Variants in LUZP2 observed in about 807,000 individuals in gnomAD.
LUZP2 encodes the protein leucine zipper protein 2.
In LUZP2, 52 loss-of-function variants were observed where a neutral mutation model predicts 51.6. The ratio of observed to expected loss-of-function variants is 1.01; its 90% confidence interval spans 0.81 to 1.27. The LOEUF (loss-of-function observed/expected upper bound fraction) is 1.27. LUZP2 is among the 50% of genes most tolerant of loss of function. LUZP2 has a pLI of 0.00. For missense variants in LUZP2, 436 were observed against 395.4 expected, an observed-to-expected ratio of 1.10 and a Z score of -0.87; for synonymous variants, 154 against 137.3, an observed-to-expected ratio of 1.12 and a Z score of -0.85.
chr11:24,824,722 CT>C (rs1850474379), intron 5 of LUZP2, among the ~76,000 whole-genome samples: 1 of 151,958 alleles, frequency 6.6e-6, no homozygotes, highest in Admixed American at 6.6e-5. Flanking sequence ...ATATAATCAT[CT>C]GTTTCTTAGA....
At chr11:25,007,280 A>G (rs2133952370) in intron 9 of LUZP2, among the ~76,000 whole-genome samples, 1 of 152,304 alleles carries the variant, frequency 6.6e-6, no homozygotes, top group Non-Finnish European at 1.5e-5. Flanking sequence ...TCAAACAACA[A>G]AGAACCTGAA....
At chr11:24,713,423 G>C (rs1326665984) in intron 1 of LUZP2, among the ~76,000 whole-genome samples, 1 of 152,100 alleles carries the variant, frequency 6.6e-6, no homozygotes, top group East Asian at 1.9e-4. Flanking sequence ...CAACTGGGGG[G>C]AGAACAATTT....
At chr11:24,739,098 GCT>G (rs1392709978) in intron 4 of LUZP2, among the ~76,000 whole-genome samples, 11 of 152,114 alleles carry the variant, frequency 7.2e-5, no homozygotes, top group Non-Finnish European at 1.6e-4. Flanking sequence ...CACAGTTCTA[GCT>G]GCACACCACA....
At position 24,639,033 on chromosome 11, in the gene LUZP2, C is replaced by A. The variant is rs570520199; in HGVS notation, c.63-90136C>A. On this transcript the variant is annotated intron_variant, in intron 1 of 11. Transcript: ENST00000336930. ...TGTCAAAGACCTGTTATACTAAAAG[C>A]TCTAGACTCTTACCTTCTCTACAAA... Among the ~76,000 whole-genome samples the A allele has an allele frequency of 1.6e-3, 241 of 151,870 alleles. 1 individual carries two copies. The highest frequency in any genetic ancestry group is 2.7e-3 in the Non-Finnish European group (184 of 67,964).
Position 24,891,261 on chromosome 11 carries a change from A to G in LUZP2, c.397-14730A>G, listed in dbSNP as rs572900107. Reference sequence around the variant, plus strand: ...AGCATTTCCACAAAAATTTTAAGTGAAAATATCATTAGTCATAGCAATTCT... The same window carrying G: ...AGCATTTCCACAAAAATTTTAAGTGGAAATATCATTAGTCATAGCAATTCT... On this transcript the variant is annotated intron_variant, in intron 5 of 11. Coordinates refer to ENST00000336930, the MANE Select transcript of LUZP2 (RefSeq NM_001009909.4). 78 of 984,324 alleles carry G rather than the reference A, an allele frequency of 7.9e-5. 1 individual carries two copies. In the South Asian group the frequency reaches 3.2e-3, roughly 41 times the overall value. The allele number at this position is 984,324 out of a possible 1,614,324, so 61.0% of individuals were successfully genotyped here. A position where few individuals can be genotyped will look rare whatever the true frequency, so the allele number is the denominator to read the frequency against.
rs914358039 is a variant in LUZP2, at chr11:25,012,143, C to T, written c.765+28850C>T. On this transcript the variant is annotated intron_variant, in intron 9 of 11. Transcript: ENST00000336930. ...CTAATTAGCTGCCTTGAAGGGTAAT[C>T]TGCTTTGCTGAGCATTTAATAAACA... Among the ~76,000 whole-genome samples, 4 of 152,160 alleles carry T rather than the reference C, an allele frequency of 2.6e-5. No individual in the cohort carries two copies. The East Asian group carries it at 7.7e-4, about 29-fold the overall frequency.
chr11:24,791,749 TA>T (rs1354968592), intron 5 of LUZP2, among the ~76,000 whole-genome samples: 2 of 152,130 alleles, frequency 1.3e-5, no homozygotes, highest in African/African-American at 4.8e-5. Context: ...GGAGATTATT[TA>T]AGAAGCAACA....
chr11:24,904,691 T>A (rs1310412832), intron 5 of LUZP2, among the ~76,000 whole-genome samples: 1 of 152,204 alleles, frequency 6.6e-6, no homozygotes, highest in Non-Finnish European at 1.5e-5. Context: ...TGCAAATACG[T>A]TCTCCCATCC....
At chr11:24,882,583 T>C (rs1852506609) in intron 5 of LUZP2, among the ~76,000 whole-genome samples, 1 of 152,068 alleles carries the variant, frequency 6.6e-6, no homozygotes, top group Admixed American at 6.6e-5. Flanking sequence ...TTCACTAACA[T>C]AAAATTCCTT....
At chr11:24,624,439 T>A (rs184280492) in intron 1 of LUZP2, among the ~76,000 whole-genome samples, 52 of 152,240 alleles carry the variant, frequency 3.4e-4, no homozygotes, top group African/African-American at 1.3e-3. Context: ...AAACATTTGT[T>A]TATGTCTATT....
chr11:24,998,228 G>A (rs887277573), intron 9 of LUZP2, among the ~76,000 whole-genome samples: 12 of 152,110 alleles, frequency 7.9e-5, no homozygotes, highest in African/African-American at 2.9e-4. Context: ...CCATTTTCAC[G>A]ATATCGATTC....
intron 9 of LUZP2, among the ~76,000 whole-genome samples, chr11:25,045,509 T>C (rs761969027): frequency 3.3e-5 from 5 of 152,174 alleles, no homozygotes; most frequent in Non-Finnish European, 7.4e-5. Flanking sequence ...GAATAAATTA[T>C]GGATAGATGA....
chr11:24,982,836 C>T (rs1032195519), intron 8 of LUZP2, among the ~76,000 whole-genome samples: 1 of 151,750 alleles, frequency 6.6e-6, no homozygotes. Context: ...GAGTATATTT[C>T]CTTTCCTGCA....
intron 4 of LUZP2, among the ~76,000 whole-genome samples, chr11:24,745,397 G>C (rs146789027): frequency 0.012 from 1,773 of 152,132 alleles, 15 homozygotes; most frequent in Non-Finnish European, 0.017. Flanking sequence ...CCAGTGTTAG[G>C]TGTATATATG....
At chr11:24,805,130 T>C (rs559465997) in intron 5 of LUZP2, among the ~76,000 whole-genome samples, 4 of 152,114 alleles carry the variant, frequency 2.6e-5, no homozygotes, top group Non-Finnish European at 4.4e-5. Flanking sequence ...TCCACATGAC[T>C]GGAGAGGCCT....
chr11:24,741,939 A>G (rs1859173632), intron 4 of LUZP2, among the ~76,000 whole-genome samples: 1 of 131,536 alleles, frequency 7.6e-6, no homozygotes, highest in Non-Finnish European at 1.6e-5. Context: ...TTATATATAA[A>G]TATATACATT....
intron 1 of LUZP2, among the ~76,000 whole-genome samples, chr11:24,530,198 T>C (rs1193273629): frequency 6.7e-6 from 1 of 149,828 alleles, no homozygotes; most frequent in African/African-American, 2.5e-5. Context: ...GCAATGTACA[T>C]GATTATGAAT....
chr11:24,530,119 CTAGTACCTTTAT>C (rs1850947487), intron 1 of LUZP2, among the ~76,000 whole-genome samples: 1 of 150,716 alleles, frequency 6.6e-6, no homozygotes, highest in Non-Finnish European at 1.5e-5. Flanking sequence ...AATTTACATA[CTAGTACCTTTAT>C]TTAATTCAAT....
At chr11:25,019,833 A>G (rs1013386820) in intron 9 of LUZP2, among the ~76,000 whole-genome samples, 1 of 152,048 alleles carries the variant, frequency 6.6e-6, no homozygotes. Flanking sequence ...GTAGGATCGC[A>G]TATTGTTTGG....
Sources: gnomAD v4.1 joint callset for allele counts (sites outside exome capture counted in the v4.1 genomes callset) on GRCh38, gnomAD v4.1.1 for gene constraint, MANE v1.5 for transcripts, NCBI Gene and HGNC (gene_info 2026-07-23, HGNC 2026-07-21) for gene names.